Variants in GTSF1 observed in about 807,000 individuals in gnomAD.
GTSF1 encodes the protein gametocyte specific factor 1.
In GTSF1, 11 loss-of-function variants were observed where a neutral mutation model predicts 28.9. The ratio of observed to expected loss-of-function variants is 0.38; its 90% CI spans 0.24 to 0.63. The LOEUF is 0.63. Among genes scored for constraint, GTSF1 ranks in the 30% least tolerant of loss-of-function variants. The probability of loss-of-function intolerance (pLI) is 0.56; values close to 1 mark genes in which losing one functional copy is unlikely to be tolerated. For synonymous variants in GTSF1, 69 were observed against 65.6 expected, an observed-to-expected ratio of 1.05 and a Z score of -0.25; for missense variants, 146 against 201.0, an observed-to-expected ratio of 0.73 and a Z score of 1.66.
intron 6 of GTSF1, 86 bp downstream of exon 6, chr12:54,462,023 G>T: frequency 2.2e-6 from 2 of 897,324 alleles, no homozygotes; most frequent in Non-Finnish European, 3.7e-6. Flanking sequence ...TAAAGAAAGT[G>T]GTCAATTCAT....
chr12:54,470,355 C>T (rs1237027014), intron 2 of GTSF1, among the ~76,000 whole-genome samples: 1 of 152,142 alleles, frequency 6.6e-6, no homozygotes, highest in Non-Finnish European at 1.5e-5. Flanking sequence ...AACAAGCTTT[C>T]CAGGTGATTC....
chr12:54,460,326 G>C, intron 7 of GTSF1, 51 bp downstream of exon 7: 1 of 1,305,968 alleles, frequency 7.7e-7, no homozygotes, highest in Non-Finnish European at 1.1e-6. Flanking sequence ...AAGATCAACT[G>C]TATTTAGCAC....
At chr12:54,465,530 T>C (rs191406730) in intron 2 of GTSF1, among the ~76,000 whole-genome samples, 1 of 152,278 alleles carries the variant, frequency 6.6e-6, no homozygotes, top group East Asian at 1.9e-4. Context: ...ATCCAGAGCC[T>C]CCCAACCAGT....
chr12:54,461,867 G>C (rs1287969460), intron 6 of GTSF1, among the ~76,000 whole-genome samples: 1 of 152,158 alleles, frequency 6.6e-6, no homozygotes, highest in Non-Finnish European at 1.5e-5. Flanking sequence ...ATGAAAGTCT[G>C]GGGCTACTGT....
At chr12:54,471,179 A>G in intron 2 of GTSF1, 54 bp downstream of exon 2, 2 of 1,406,844 alleles carry the variant, frequency 1.4e-6, no homozygotes, top group Non-Finnish European at 1.9e-6. Flanking sequence ...GTCAGATATA[A>G]AACTATACGT....
intron 3 of GTSF1, among the ~76,000 whole-genome samples, chr12:54,463,745 T>C (rs1956462659): frequency 6.6e-6 from 1 of 152,184 alleles, no homozygotes; most frequent in African/African-American, 2.4e-5. Context: ...GCTATTGCAA[T>C]ACAATAGTGC....
chr12:54,472,445 C>G (rs1187444456), intron 1 of GTSF1: 2 of 152,186 alleles, frequency 1.3e-5, no homozygotes, highest in Non-Finnish European at 1.5e-5. Context: ...TTATGGATAA[C>G]AGAGTCACAA....
chr12:54,464,259 G>C (rs1257308909), intron 3 of GTSF1, among the ~76,000 whole-genome samples: 1 of 152,094 alleles, frequency 6.6e-6, no homozygotes, highest in Non-Finnish European at 1.5e-5. Flanking sequence ...AGCCTAGAGG[G>C]GACAATGTTG....
In GTSF1 at chr12:54,465,166, G is replaced by A. The variant is rs146835334; in HGVS notation, c.18C>T (p.Thr6=). Residue 6 remains threonine (T), a splice_region_variant and synonymous_variant, in exon 3 of 9, where the codon ACC becomes ACT. Transcript: ENST00000305879. MEETY[T]DSLDPEKLLQ... ...ATAGCTTCTCAGGGTCCAGGGAGTC[G>A]GCTGAAAGACAGAAGTGTTTCAGTA... is the stretch of plus-strand genomic sequence containing the variant. 6.8e-6 allele frequency: 11 copies of A among 1,610,512 alleles called. No individual in the cohort carries two copies. Among genetic ancestry groups the A allele is most frequent in the East Asian group, 4.5e-5 (2 of 44,800 alleles).
At chr12:54,458,145 C>T (rs1246204860) in intron 8 of GTSF1, among the ~76,000 whole-genome samples, 1 of 152,134 alleles carries the variant, frequency 6.6e-6, no homozygotes, top group Non-Finnish European at 1.5e-5. Context: ...TATAACATTC[C>T]CTTTGCCAGA....
intron 2 of GTSF1, among the ~76,000 whole-genome samples, chr12:54,468,338 C>G (rs980294570): frequency 1.3e-5 from 2 of 152,190 alleles, no homozygotes; most frequent in Admixed American, 1.3e-4. Context: ...TCAGGCTGGT[C>G]TCAAACTCCT....
chr12:54,460,914 TTAAAA>T, intron 6 of GTSF1, among the ~76,000 whole-genome samples: 1 of 152,242 alleles, frequency 6.6e-6, no homozygotes, highest in East Asian at 1.9e-4. Context: ...TAGTATACAC[TTAAAA>T]TTATTTACTG....
intron 2 of GTSF1, among the ~76,000 whole-genome samples, chr12:54,469,542 G>A (rs556954051): frequency 1.3e-5 from 2 of 151,460 alleles, no homozygotes; most frequent in South Asian, 4.2e-4. Flanking sequence ...ATAAAAATTA[G>A]CCAGGCGTTG....
At chr12:54,464,292 C>T (rs1956473805) in intron 3 of GTSF1, among the ~76,000 whole-genome samples, 1 of 152,166 alleles carries the variant, frequency 6.6e-6, no homozygotes, top group Non-Finnish European at 1.5e-5. Context: ...CTGATCCATA[C>T]TGTCCAGGTT....
At chr12:54,471,159 TA>T in intron 2 of GTSF1, 73 bp downstream of exon 2, 1 of 1,245,766 alleles carries the variant, frequency 8.0e-7, no homozygotes. Flanking sequence ...CCCAGCACAC[TA>T]AAAGTCTTGT....
At chr12:54,460,308 G>T in intron 7 of GTSF1, 69 bp downstream of exon 7, 1 of 1,171,132 alleles carries the variant, frequency 8.5e-7, no homozygotes, top group Non-Finnish European at 1.3e-6. Context: ...GAACACATCT[G>T]AATAATCAAG....
intron 2 of GTSF1, 151 bp from the exon 3 acceptor site, chr12:54,465,318 C>A: frequency 2.1e-6 from 1 of 487,160 alleles, no homozygotes; most frequent in Non-Finnish European, 3.7e-6. Context: ...AGGGTGACTA[C>A]ACTTTTAAAA....
chr12:54,463,642 T>C (rs1182365526), intron 3 of GTSF1, among the ~76,000 whole-genome samples: 2 of 152,186 alleles, frequency 1.3e-5, no homozygotes, highest in Admixed American at 6.5e-5. Context: ...CAGCCCGTAA[T>C]GAGAGAGCTC....
chr12:54,469,413 G>A (rs150493645), intron 2 of GTSF1, among the ~76,000 whole-genome samples: 2,622 of 127,428 alleles, frequency 0.021, 46 homozygotes, highest in South Asian at 0.12. Flanking sequence ...TCGGCCAGGC[G>A]TAGTGGCTTA....
Sources: allele counts gnomAD v4.1 joint callset (sites outside exome capture counted in the v4.1 genomes callset), GRCh38; gene constraint gnomAD v4.1.1; transcripts MANE v1.5; gene names NCBI Gene and HGNC (gene_info 2026-07-23, HGNC 2026-07-21).